The following CDKN2B-AS1 variants were observed in gnomAD, a reference collection of about 807,000 sequenced individuals.
CDKN2B-AS1 encodes CDKN2B antisense RNA 1 (non-protein coding).
At chr9:22,044,650 A>G (rs138802137) in intron 1 of CDKN2B-AS1, among the ~76,000 whole-genome samples, 3 of 151,814 alleles carry the variant, frequency 2.0e-5, no homozygotes, top group African/African-American at 7.3e-5. Flanking sequence ...AATCCTCTGC[A>G]TTGGTTTTGC....
rs560839419 is a variant in CDKN2B-AS1 at position 22,056,836 on chromosome 9, A to G, written n.438+449A>G. 1.2e-3 allele frequency among the ~76,000 whole-genome samples: 177 copies of G among 152,292 alleles called. 3 individuals are homozygous for G. In the South Asian group the frequency reaches 0.027, roughly 23 times the overall value. On this transcript the variant is annotated intron_variant and non_coding_transcript_variant, in intron 4 of 4. Transcript: ENST00000650946. ...TTGTATATAAAACTGTCTACTCAAC[A>G]TCTTCACTTTTGATGTCTAAATCTC...
intron 1 of CDKN2B-AS1, among the ~76,000 whole-genome samples, chr9:22,022,587 T>C (rs1480542191): frequency 6.6e-6 from 1 of 152,212 alleles, no homozygotes; most frequent in Non-Finnish European, 1.5e-5. Context: ...CGATGGGTCT[T>C]GGCTCTTTAC....
At chr9:22,012,216 A>C in intron 1 of CDKN2B-AS1, 1 of 1,407,958 alleles carries the variant, frequency 7.1e-7, no homozygotes, top group Non-Finnish European at 1.0e-6. Flanking sequence ...GAGCCCAGTG[A>C]CACCATTGAG....
chr9:22,098,453 C>A (rs1825366783), intron 4 of CDKN2B-AS1, among the ~76,000 whole-genome samples: 1 of 149,400 alleles, frequency 6.7e-6, no homozygotes, highest in South Asian at 2.1e-4. Context: ...CTTTCTGAAA[C>A]AACACGATAT....
At chr9:22,055,595 T>TA (rs954787893) in intron 3 of CDKN2B-AS1, among the ~76,000 whole-genome samples, 1 of 152,172 alleles carries the variant, frequency 6.6e-6, no homozygotes, top group Non-Finnish European at 1.5e-5. Flanking sequence ...AATATAACTT[T>TA]AAAAAAACCT....
intron 4 of CDKN2B-AS1, among the ~76,000 whole-genome samples, chr9:22,079,626 T>C (rs1234318473): frequency 6.6e-6 from 1 of 152,102 alleles, no homozygotes. Flanking sequence ...TGTTTGGGGC[T>C]CCTCAATAAT....
chr9:22,096,669 A>G (rs779149730), intron 4 of CDKN2B-AS1, among the ~76,000 whole-genome samples: 32 of 152,108 alleles, frequency 2.1e-4, no homozygotes, highest in Admixed American at 6.5e-4. Flanking sequence ...CACCTCTCCA[A>G]TTTTTCACCA....
chr9:22,073,889 G>A (rs903738482), intron 4 of CDKN2B-AS1, among the ~76,000 whole-genome samples: 4 of 149,850 alleles, frequency 2.7e-5, no homozygotes, highest in Admixed American at 2.6e-4. Context: ...TTTGAGACAG[G>A]ATCTTGCTCT....
intron 1 of CDKN2B-AS1, among the ~76,000 whole-genome samples, chr9:22,007,561 GTTAT>G (rs1821254842): frequency 6.6e-6 from 1 of 151,988 alleles, no homozygotes; most frequent in South Asian, 2.1e-4. Context: ...CTAAAATCGA[GTTAT>G]TTGTTATGGG....
rs143525906 is a variant in CDKN2B-AS1, at chr9:22,102,313, T to G, written n.439-24790T>G. 4.0e-3 allele frequency among the ~76,000 whole-genome samples: 616 copies of G among 152,326 alleles called. 6 individuals carry two copies. The highest frequency in any genetic ancestry group is 0.014 in the African/African-American group (579 of 41,568). ...AACCAGAATTTCTCTGCTAGATGGC[T>G]TGCTCATTACATTACCTACATGATT... On this transcript the variant is annotated intron_variant and non_coding_transcript_variant, in intron 4 of 4. Transcript: ENST00000650946.
chr9:22,003,559 C>G (rs1383449508), intron 1 of CDKN2B-AS1: 1 of 228,958 alleles, frequency 4.4e-6, no homozygotes, highest in East Asian at 6.3e-5. Flanking sequence ...AAAGTATCAA[C>G]TGACTTCTTT....
At chr9:22,109,923 A>C (rs1311504421) in intron 4 of CDKN2B-AS1, among the ~76,000 whole-genome samples, 4 of 152,036 alleles carry the variant, frequency 2.6e-5, no homozygotes, top group African/African-American at 9.7e-5. Flanking sequence ...TCTGATAAAC[A>C]CCAACAATAG....
intron 4 of CDKN2B-AS1, among the ~76,000 whole-genome samples, chr9:22,101,997 T>C (rs1180968948): frequency 6.6e-6 from 1 of 152,196 alleles, no homozygotes; most frequent in East Asian, 1.9e-4. Context: ...CAACTGCCTA[T>C]GGTCATAACT....
intron 1 of CDKN2B-AS1, among the ~76,000 whole-genome samples, chr9:22,033,756 G>A (rs1195159830): frequency 6.6e-6 from 1 of 152,160 alleles, no homozygotes; most frequent in Admixed American, 6.6e-5. Flanking sequence ...AGAGACTGAG[G>A]TGATGCAGTT....
chr9:22,053,892 A>G (rs1033688477), intron 3 of CDKN2B-AS1, among the ~76,000 whole-genome samples: 2 of 152,172 alleles, frequency 1.3e-5, no homozygotes, highest in African/African-American at 4.8e-5. Context: ...TACTTAGGAC[A>G]TACGTAACAG....
intron 1 of CDKN2B-AS1, among the ~76,000 whole-genome samples, chr9:22,011,144 TCCTAA>T (rs1821482761): frequency 6.6e-6 from 1 of 152,146 alleles, no homozygotes; most frequent in African/African-American, 2.4e-5. Context: ...GCCTGGGTGG[TCCTAA>T]CCAGCTCCAG....
chr9:22,019,363 T>C (rs961984320), intron 1 of CDKN2B-AS1, among the ~76,000 whole-genome samples: 2 of 152,172 alleles, frequency 1.3e-5, no homozygotes, highest in Admixed American at 6.5e-5. Flanking sequence ...TAGGTTATGG[T>C]AGCTTGGACT....
chr9:22,085,137 T>A (rs961345257), intron 4 of CDKN2B-AS1, among the ~76,000 whole-genome samples: 2 of 152,174 alleles, frequency 1.3e-5, no homozygotes, highest in African/African-American at 4.8e-5. Flanking sequence ...CAAAAAGAAC[T>A]TCTATCTATA....
chr9:22,094,181 A>T (rs1289756378), intron 4 of CDKN2B-AS1, among the ~76,000 whole-genome samples: 3 of 144,042 alleles, frequency 2.1e-5, no homozygotes, highest in Non-Finnish European at 4.4e-5. Flanking sequence ...TTCTACCGAG[A>T]GATCAGCTGT....
Sources: gnomAD v4.1 joint callset for allele counts (sites outside exome capture counted in the v4.1 genomes callset) on GRCh38, gnomAD v4.1.1 for gene constraint, MANE v1.5 for transcripts, NCBI Gene and HGNC (gene_info 2026-07-23, HGNC 2026-07-21) for gene names.